SGTA: variants seen among roughly 807,000 people sequenced by gnomAD.
SGTA encodes small glutamine-rich tetratricopeptide repeat-containing protein alpha.
Under a neutral mutation model 44.3 loss-of-function variants are expected in SGTA, and 22 were observed. The observed-to-expected ratio is 0.50, with a 90% CI of 0.36 to 0.71. The LOEUF is 0.71. SGTA is among the 30% of genes least tolerant of loss of function. The pLI is 0.00. For synonymous variants in SGTA, 174 were observed against 177.6 expected, an observed-to-expected ratio of 0.98 and a Z score of 0.16; for missense variants, 341 against 435.9, an observed-to-expected ratio of 0.78 and a Z score of 1.94.
In SGTA at chr19:2,765,152, C is replaced by T. The variant is rs914300156; in HGVS notation, c.392+34G>A. 3.9e-6 allele frequency: 6 copies of T among 1,545,334 alleles called. No individual in the cohort carries two copies. Among genetic ancestry groups the T allele is most frequent in the Admixed American group, 1.7e-5 (1 of 59,882 alleles). On this transcript the variant is annotated intron_variant, in intron 5 of 11. Coordinates refer to ENST00000221566, the MANE Select transcript of SGTA (RefSeq NM_003021.4). The surrounding 1 kb of genome is among the most constrained non-coding windows in gnomAD (Gnocchi z 5.5). ...TCCCGGAGGACGCCCCCGCACCCGGCCGCCCCTGCCCTGGGCAGGCCCTGA... is the reference window on the plus strand; with the variant it reads ...TCCCGGAGGACGCCCCCGCACCCGGTCGCCCCTGCCCTGGGCAGGCCCTGA...
rs1914781620 is a variant in SGTA, at chr19:2,755,034, TGGCA to T, written c.*902_*905del. On this transcript the variant is annotated 3_prime_UTR_variant, in exon 12 of 12. Transcript: ENST00000221566. The surrounding 1 kb of genome is among the most constrained non-coding windows in gnomAD (Gnocchi z 5.2). The stretch of plus-strand genomic sequence containing the variant: ...GTGGCTGTTTTAGGGCCAAGGTGGG[TGGCA>T]CCTGAGGTGTCCCGTGGCCTCCACC... The T allele has an allele frequency of 6.6e-6, 1 of 152,066 alleles. No homozygotes were observed. The highest frequency in any genetic ancestry group is 1.5e-5 in the Non-Finnish European group (1 of 68,028). 9.4% of individuals were successfully genotyped at this position (152,066 alleles called of 1,614,324 possible).
intron 8 of SGTA, among the ~76,000 whole-genome samples, chr19:2,760,809 CA>C (rs1189169395): frequency 1.3e-5 from 2 of 152,194 alleles, no homozygotes; most frequent in African/African-American, 4.8e-5. Flanking sequence ...TTCTGACTGA[CA>C]GTGAGACTGA....
At chr19:2,757,285 C>A (rs573848685) in intron 11 of SGTA, 52 bp downstream of exon 11, 1 of 1,581,570 alleles carries the variant, frequency 6.3e-7, no homozygotes, top group Admixed American at 1.7e-5. Flanking sequence ...CAGGCACTCA[C>A]GTGGTGTCAC....
rs143702536 is a variant in SGTA at position 2,766,726 on chromosome 19, G to A, written c.292+410C>T. Reference sequence around the variant, plus strand: ...GCTGGGACTGCAGGTGTGAGCCACCGCGCCCGGCCTCTTCTTGCTTTTTGA... The same window carrying A: ...GCTGGGACTGCAGGTGTGAGCCACCACGCCCGGCCTCTTCTTGCTTTTTGA... On this transcript the variant is annotated intron_variant, in intron 4 of 11. Coordinates refer to ENST00000221566, the MANE Select transcript of SGTA (RefSeq NM_003021.4). 3.3e-3 allele frequency among the ~76,000 whole-genome samples: 503 copies of A among 152,200 alleles called. 4 individuals are homozygous for A. The highest frequency in any genetic ancestry group is 0.011 in the African/African-American group (469 of 41,536).
Position 2,767,962 on chromosome 19 carries a change from C to T in SGTA, c.101-276G>A, listed in dbSNP as rs1915195668. Among the ~76,000 whole-genome samples, 1 of 152,162 alleles carries T rather than the reference C, an allele frequency of 6.6e-6. No homozygotes were observed. Among genetic ancestry groups the T allele is most frequent in the African/African-American group, 2.4e-5 (1 of 41,440 alleles). On this transcript the variant is annotated intron_variant, in intron 2 of 11. Transcript: ENST00000221566. The surrounding 1 kb of genome is among the most constrained non-coding windows in gnomAD (Gnocchi z 7.3). Reference sequence around the variant, plus strand: ...TGGTGACCTCAGGCCTCTGTGGGGTCCCAATGCTGGGGCTGCCCGGCTGCG... The same window carrying T: ...TGGTGACCTCAGGCCTCTGTGGGGTTCCAATGCTGGGGCTGCCCGGCTGCG...
intron 8 of SGTA, among the ~76,000 whole-genome samples, chr19:2,760,768 G>A (rs946029002): frequency 1.3e-5 from 2 of 152,110 alleles, no homozygotes; most frequent in African/African-American, 2.4e-5. Context: ...GGCACGACCC[G>A]GGCAGGGCTC....
intron 1 of SGTA, among the ~76,000 whole-genome samples, chr19:2,771,391 TC>T (rs1433859579): frequency 6.6e-6 from 1 of 151,960 alleles, no homozygotes. Flanking sequence ...ACCACTGCAC[TC>T]CAGCCTGGCA....
intron 8 of SGTA, among the ~76,000 whole-genome samples, chr19:2,760,275 T>C (rs1914945860): frequency 6.6e-6 from 1 of 151,696 alleles, no homozygotes; most frequent in Non-Finnish European, 1.5e-5. Context: ...TCCCAGCACT[T>C]TGGGGGGCCG....
rs1258462612 is a variant in SGTA at position 2,762,565 on chromosome 19, C to T, written c.577G>A (p.Glu193Lys). The T allele has an allele frequency of 3.7e-6, 6 of 1,614,116 alleles. No individual in the cohort carries two copies. Among genetic ancestry groups the T allele is most frequent in the South Asian group, 1.1e-5 (1 of 91,078 alleles). The stretch of plus-strand genomic sequence containing the variant: ...ATCTTGAGGTTGGACTTGTATGTCT[C>T]GTTGTCGGGGTCCAGCTCCAGAGCC... ...KKALELDPDNETYKSNLKIAE... is the reference protein window; with the variant it reads ...KKALELDPDNKTYKSNLKIAE... Residue 193 changes from glutamate (E) to lysine (K), a missense_variant, in exon 7 of 12, where the codon GAG (glutamate) becomes AAG (lysine). Physicochemically the swap from Glu to Lys is moderately conservative, Grantham distance 56. Coordinates refer to ENST00000221566, the MANE Select transcript of SGTA (RefSeq NM_003021.4).
At chr19:2,772,893 T>C (rs10420216) in intron 1 of SGTA, among the ~76,000 whole-genome samples, 1 of 85,384 alleles carries the variant, frequency 1.2e-5, no homozygotes, top group African/African-American at 9.1e-5. Context: ...CAGAAATGGG[T>C]GACGCGGCCA....
At chr19:2,759,117 C>T (rs556084956) in intron 9 of SGTA, 140 bp downstream of exon 9, 2 of 705,016 alleles carry the variant, frequency 2.8e-6, no homozygotes, top group South Asian at 3.8e-5. Context: ...ATAGTGGTGA[C>T]AGTTGCATGA....
chr19:2,779,001 A>T (rs561908495), intron 1 of SGTA, among the ~76,000 whole-genome samples: 1 of 152,098 alleles, frequency 6.6e-6, no homozygotes, highest in South Asian at 2.1e-4. Flanking sequence ...TGGGTGGATG[A>T]TTCTGTCCTG....
chr19:2,756,647 G>C (rs113087761), intron 11 of SGTA, among the ~76,000 whole-genome samples: 1 of 151,916 alleles, frequency 6.6e-6, no homozygotes, highest in Non-Finnish European at 1.5e-5. Context: ...CGCCCCCAGG[G>C]AGCCGGCGTC....
At chr19:2,773,389 G>A (rs1915361475) in intron 1 of SGTA, among the ~76,000 whole-genome samples, 3 of 4,126 alleles carry the variant, frequency 7.3e-4, no homozygotes, top group Non-Finnish European at 4.1e-4. Flanking sequence ...GGTGGGTGAC[G>A]CGGCCACACG....
chr19:2,769,272 C>G (rs1412814703), intron 1 of SGTA, among the ~76,000 whole-genome samples, 181 bp from the exon 2 acceptor site: 1 of 152,200 alleles, frequency 6.6e-6, no homozygotes, highest in Admixed American at 6.5e-5. Flanking sequence ...AGGCCCAGAG[C>G]TCACCAATCC....
At chr19:2,756,748 C>A (rs1914828866) in intron 11 of SGTA, among the ~76,000 whole-genome samples, 1 of 151,988 alleles carries the variant, frequency 6.6e-6, no homozygotes, top group African/African-American at 2.4e-5. Context: ...AACTCAGGGG[C>A]CCCTGGGGAA....
At chr19:2,781,811 C>T (rs28635014) in intron 1 of SGTA, among the ~76,000 whole-genome samples, 2,537 of 152,156 alleles carry the variant, frequency 0.017, 73 homozygotes, top group African/African-American at 0.058. Context: ...CCCAGCTGCC[C>T]ATGCTGGTGA....
At chr19:2,775,159 A>C (rs1257007320) in intron 1 of SGTA, among the ~76,000 whole-genome samples, 1 of 152,252 alleles carries the variant, frequency 6.6e-6, no homozygotes, top group African/African-American at 2.4e-5. Context: ...CCTATGCGGC[A>C]GGACTGGGGA....
chr19:2,763,632 C>G lies in SGTA; in HGVS notation c.497+21G>C. 6.4e-7 allele frequency: 1 copy of G among 1,560,006 alleles called. No homozygotes were observed. Among genetic ancestry groups the G allele is most frequent in the Middle Eastern group, 1.7e-4 (1 of 5,882 alleles). On this transcript the variant is annotated intron_variant, in intron 6 of 11. Transcript: ENST00000221566. This position sits in a 1 kb window ranked among gnomAD's most constrained non-coding sequence, Gnocchi z 5.8. Reference sequence around the variant, plus strand: ...GGGGTCCCGAGAGACTGGAAAGGCGCGGCCGTGGACAGGCACTCACCCCAT... The same window carrying G: ...GGGGTCCCGAGAGACTGGAAAGGCGGGGCCGTGGACAGGCACTCACCCCAT...
Sources: allele counts gnomAD v4.1 joint callset (sites outside exome capture counted in the v4.1 genomes callset), GRCh38; gene constraint gnomAD v4.1.1; non-coding constraint Gnocchi (gnomAD v3.1); transcripts MANE v1.5; gene names NCBI Gene and HGNC (gene_info 2026-07-23, HGNC 2026-07-21).